Variants in CUL2 observed in about 807,000 individuals in gnomAD.
The protein encoded by CUL2 is cullin 2, also known as cullin-2.
In CUL2, 22 loss-of-function variants were observed where a neutral mutation model predicts 110.2. That is an observed-to-expected ratio of 0.20 (90% CI 0.14 to 0.28). The LOEUF (loss-of-function observed/expected upper bound fraction) is 0.28. CUL2 is among the 10% of genes least tolerant of loss of function. The pLI, the probability that CUL2 is intolerant of heterozygous loss-of-function variation, is 1.00. For synonymous variants in CUL2, 279 were observed against 293.2 expected (o/e 0.95, Z 0.49); for missense variants, 631 against 905.5 (o/e 0.70, Z 3.89).
chr10:35,042,293 A>G (rs570547305), intron 8 of CUL2, among the ~76,000 whole-genome samples: 1 of 152,254 alleles, frequency 6.6e-6, no homozygotes, highest in South Asian at 2.1e-4. Context: ...TCCACTTAGC[A>G]TAACATTTTC....
At chr10:35,044,101 C>A (rs1259134654) in intron 8 of CUL2, among the ~76,000 whole-genome samples, 1 of 149,750 alleles carries the variant, frequency 6.7e-6, no homozygotes, top group Non-Finnish European at 1.5e-5. Context: ...TGTCTCTCAG[C>A]CTTTCAAGAA....
At chr10:35,048,588 G>C (rs2086010871) in intron 6 of CUL2, among the ~76,000 whole-genome samples, 1 of 152,192 alleles carries the variant, frequency 6.6e-6, no homozygotes, top group African/African-American at 2.4e-5. Context: ...TTAGAACTTA[G>C]AAGTTTTGTT....
Position 35,029,699 on chromosome 10 carries a change from TTAA to T in CUL2, c.1387-62_1387-60del, listed in dbSNP as rs975689761. On this transcript the variant is annotated intron_variant, in intron 14 of 20. Coordinates refer to ENST00000374749, the MANE Select transcript of CUL2 (RefSeq NM_003591.4). ...AAAGAAAAATAATAAGTCATATTGG[TTAA>T]TAATAATGTGTCGGTATTGCTAGGT... The T allele has an allele frequency of 1.0e-5, 13 of 1,283,634 alleles. No homozygotes were observed. The African/African-American group carries it at 1.8e-4, about 18-fold the overall frequency. The allele number at this position is 1,283,634 out of a possible 1,614,324, so 79.5% of individuals were successfully genotyped here. A position where few individuals can be genotyped will look rare whatever the true frequency, so the allele number is the denominator to read the frequency against.
At chr10:35,043,690 T>G (rs187775310) in intron 8 of CUL2, among the ~76,000 whole-genome samples, 6 of 152,318 alleles carry the variant, frequency 3.9e-5, no homozygotes, top group Admixed American at 2.6e-4. Context: ...TTAATTTGTA[T>G]GAACACTTTT....
chr10:35,095,306 G>C (rs2087278999), upstream of CUL2, among the ~76,000 whole-genome samples: 1 of 143,334 alleles, frequency 7.0e-6, no homozygotes, highest in African/African-American at 2.6e-5. Context: ...CCTGACAATA[G>C]AGCAAGACTC....
chr10:35,033,715 C>T (rs772097575), intron 10 of CUL2, among the ~76,000 whole-genome samples: 1 of 147,160 alleles, frequency 6.8e-6, no homozygotes, highest in African/African-American at 2.5e-5. Context: ...CCAGCTTGGG[C>T]GACAGAGTGA....
intron 6 of CUL2, 68 bp downstream of exon 6, chr10:35,049,615 A>G: frequency 7.7e-7 from 1 of 1,307,018 alleles, no homozygotes; most frequent in Non-Finnish European, 1.1e-6. Flanking sequence ...CTGCAATTGT[A>G]CACTATTTTA....
At chr10:35,068,200 A>G (rs904225513) in intron 2 of CUL2, among the ~76,000 whole-genome samples, 4 of 152,004 alleles carry the variant, frequency 2.6e-5, no homozygotes, top group African/African-American at 4.8e-5. Context: ...GGCACATGGA[A>G]CACATGAGCC....
rs773789979 is a variant in CUL2 at position 35,032,511 on chromosome 10, G to A, written c.1111-17C>T. The A allele has an allele frequency of 8.9e-6, 14 of 1,571,652 alleles. No individual in the cohort carries two copies. Among genetic ancestry groups the A allele is most frequent in the South Asian group, 8.4e-5 (7 of 83,802 alleles). ...CGTAAGGGCCTGAATAAAAAAACAC[G>A]CCATAATTAACCACCAGCCATAGGG... On this transcript the variant is annotated splice_polypyrimidine_tract_variant and intron_variant, in intron 11 of 20. Coordinates refer to ENST00000374749, the MANE Select transcript of CUL2 (RefSeq NM_003591.4).
chr10:35,062,109 T>G (rs112814219), intron 3 of CUL2, among the ~76,000 whole-genome samples: 4,086 of 152,254 alleles, frequency 0.027, 181 homozygotes, highest in African/African-American at 0.09. Context: ...AATTATCTCA[T>G]CCAGTTCCTG....
In CUL2 at chr10:35,121,613, A is replaced by G. The variant is rs2087679075; in HGVS notation, c.-51+4992T>C. 3.3e-5 allele frequency among the ~76,000 whole-genome samples: 5 copies of G among 152,322 alleles called. No individual in the cohort carries two copies. The South Asian group carries it at 1.0e-3, about 32-fold the overall frequency. On this transcript the variant is annotated intron_variant, in intron 1 of 5. Transcript: ENST00000685421. ...ATGGAGCCCTTTTCCAATATGAAAT[A>G]TATTGACAATAACAATCTTCCTCTT...
intron 1 of CUL2, among the ~76,000 whole-genome samples, chr10:35,110,012 C>A (rs1250786195): frequency 6.6e-6 from 1 of 152,036 alleles, no homozygotes; most frequent in African/African-American, 2.4e-5. Context: ...TATCTCCAGA[C>A]AATAATTGAA....
At chr10:35,058,276 T>C (rs1231246400) in intron 4 of CUL2, among the ~76,000 whole-genome samples, 1 of 152,194 alleles carries the variant, frequency 6.6e-6, no homozygotes, top group African/African-American at 2.4e-5. Context: ...TCATGCTAAA[T>C]GGCCATCCTC....
At position 35,021,873 on chromosome 10, in the gene CUL2, A is replaced by G. The variant is rs117197560; in HGVS notation, c.1684+3259T>C. Among the ~76,000 whole-genome samples, 45 of 12,382 alleles carry G rather than the reference A, an allele frequency of 3.6e-3. 1 individual carries two copies. Among genetic ancestry groups the G allele is most frequent in the East Asian group, 7.7e-3 (3 of 392 alleles). The allele number at this position is 12,382 out of a possible 152,430, so 8.1% of individuals were successfully genotyped here. A position where few individuals can be genotyped will look rare whatever the true frequency, so the allele number is the denominator to read the frequency against. On this transcript the variant is annotated intron_variant, in intron 17 of 20. Coordinates refer to ENST00000374749, the MANE Select transcript of CUL2 (RefSeq NM_003591.4). ...AGGTGAGGTGAGGTGGGGTGGGGTG[A>G]GGTGGGGTGAGGTGGGGTGAGGTGG...
intron 1 of CUL2, among the ~76,000 whole-genome samples, chr10:35,116,767 C>T (rs2087609053): frequency 6.6e-6 from 1 of 152,070 alleles, no homozygotes; most frequent in Admixed American, 6.5e-5. Context: ...GAGATTGAGA[C>T]CATCCTGGTG....
intron 2 of CUL2, among the ~76,000 whole-genome samples, chr10:35,100,166 C>A (rs1564753010): frequency 6.6e-6 from 1 of 151,662 alleles, no homozygotes; most frequent in Non-Finnish European, 1.5e-5. Flanking sequence ...TGGCATAACA[C>A]CAACCTAAAA....
chr10:35,067,326 C>T (rs1419051736), intron 2 of CUL2, among the ~76,000 whole-genome samples: 1 of 152,078 alleles, frequency 6.6e-6, no homozygotes, highest in Non-Finnish European at 1.5e-5. Context: ...AAAATGTCTA[C>T]ATTATGCTGC....
chr10:35,106,346 GTC>G (rs1239858426), intron 1 of CUL2, among the ~76,000 whole-genome samples: 10 of 151,126 alleles, frequency 6.6e-5, no homozygotes, highest in African/African-American at 2.4e-4. Flanking sequence ...TTGAGAAGGA[GTC>G]TCACTCTGTA....
rs534460293 is a variant in CUL2, at chr10:35,023,595, G to A, written c.1684+1537C>T. On this transcript the variant is annotated intron_variant, in intron 17 of 20. Coordinates refer to ENST00000374749, the MANE Select transcript of CUL2 (RefSeq NM_003591.4). ...TTTATTTTCTTCTTATACACCACTG[G>A]TTGTTAAAATGAGCCCCTTACTAAA... is the stretch of plus-strand genomic sequence containing the variant. Among the ~76,000 whole-genome samples, 21 of 143,494 alleles carry A rather than the reference G, an allele frequency of 1.5e-4. No homozygotes were observed. In the South Asian group the frequency reaches 4.4e-3, roughly 30 times the overall value. The allele number at this position is 143,494 out of a possible 152,430, so 94.1% of individuals were successfully genotyped here. A position where few individuals can be genotyped will look rare whatever the true frequency, so the allele number is the denominator to read the frequency against.
Sources: gnomAD v4.1 joint callset for allele counts (sites outside exome capture counted in the v4.1 genomes callset) on GRCh38, gnomAD v4.1.1 for gene constraint, MANE v1.5 for transcripts, NCBI Gene and HGNC (gene_info 2026-07-23, HGNC 2026-07-21) for gene names.